The following SEMA3E variants were observed in gnomAD, a reference collection of about 807,000 sequenced individuals.
SEMA3E encodes semaphorin 3E, also known as semaphorin-3E.
In SEMA3E, 49 loss-of-function variants were observed where a neutral mutation model predicts 93.6. The ratio of observed to expected loss-of-function variants is 0.52; its 90% CI spans 0.42 to 0.66. The LOEUF is 0.66. SEMA3E is among the 30% of genes least tolerant of loss of function. The pLI, the probability that SEMA3E is intolerant of heterozygous loss-of-function variation, is 0.00. For synonymous variants in SEMA3E, 363 were observed against 330.7 expected (o/e 1.10, Z -1.06); for missense variants, 906 against 964.8 (o/e 0.94, Z 0.81).
chr7:83,452,102 G>T (rs549198905), intron 4 of SEMA3E, among the ~76,000 whole-genome samples: 404 of 150,224 alleles, frequency 2.7e-3, no homozygotes, highest in Middle Eastern at 0.014. Flanking sequence ...GAATGAGATA[G>T]AATTATATCC....
chr7:83,465,726 A>G (rs1422462113), intron 4 of SEMA3E, among the ~76,000 whole-genome samples: 1 of 152,186 alleles, frequency 6.6e-6, no homozygotes, highest in East Asian at 1.9e-4. Flanking sequence ...GATGAAAAAT[A>G]ACAGATTCTA....
intron 1 of SEMA3E, among the ~76,000 whole-genome samples, chr7:83,543,078 A>G (rs1482579998): frequency 6.6e-6 from 1 of 152,022 alleles, no homozygotes; most frequent in Non-Finnish European, 1.5e-5. Context: ...AATTATACCT[A>G]CCTGTAGGAC....
At chr7:83,595,438 A>T (rs1441722280) in intron 1 of SEMA3E, among the ~76,000 whole-genome samples, 2 of 152,080 alleles carry the variant, frequency 1.3e-5, no homozygotes, top group Non-Finnish European at 2.9e-5. Context: ...TATGATACAC[A>T]TATCAAAACT....
At chr7:83,644,589 CA>C (rs1017447980) in intron 1 of SEMA3E, among the ~76,000 whole-genome samples, 11 of 151,792 alleles carry the variant, frequency 7.2e-5, no homozygotes, top group African/African-American at 2.7e-4. Context: ...GGCAAATTAC[CA>C]TTACTACCCC....
At chr7:83,411,595 TAAA>T (rs1468732369) in intron 5 of SEMA3E, among the ~76,000 whole-genome samples, 1 of 151,898 alleles carries the variant, frequency 6.6e-6, no homozygotes, top group African/African-American at 2.4e-5. Flanking sequence ...AAACCTTAGG[TAAA>T]ATAATACCTA....
chr7:83,615,992 A>AG (rs1437319412), intron 1 of SEMA3E, among the ~76,000 whole-genome samples: 1 of 91,194 alleles, frequency 1.1e-5, no homozygotes, highest in Non-Finnish European at 2.2e-5. Flanking sequence ...GATTAAGAAA[A>AG]GGAAAAAAAA....
rs190791287 is a variant in SEMA3E, at chr7:83,400,046, C to T, written c.1348G>A (p.Val450Ile). The T allele has an allele frequency of 8.1e-5, 131 of 1,611,924 alleles. No homozygotes were observed. The Admixed American group carries it at 1.7e-3, about 21-fold the overall frequency. Reference protein sequence around the residue: ...RVEAEDGQYDVLFIGTDNGIV... With the variant: ...RVEAEDGQYDILFIGTDNGIV... ...TCTTTACCTGTCCCAATAAACAAGA[C>T]GTCATATTGGCCATCCTCAGCTTCC... The change falls in exon 11 of 17, where the codon GTC becomes ATC. Residue 450 changes from valine to isoleucine, a missense_variant. Coordinates refer to ENST00000643230, the MANE Select transcript of SEMA3E (RefSeq NM_012431.3).
chr7:83,375,222 C>T (rs913966265), intron 16 of SEMA3E, among the ~76,000 whole-genome samples: 2 of 151,882 alleles, frequency 1.3e-5, no homozygotes, highest in Non-Finnish European at 2.9e-5. Flanking sequence ...TTCCTAGTAA[C>T]CAAAGGAAAG....
chr7:83,465,405 A>C (rs1789732470), intron 4 of SEMA3E, among the ~76,000 whole-genome samples: 2 of 152,196 alleles, frequency 1.3e-5, no homozygotes, highest in Non-Finnish European at 2.9e-5. Context: ...AAATCTCCCT[A>C]TATAGATAGT....
chr7:83,569,286 A>G (rs984656782), intron 1 of SEMA3E, among the ~76,000 whole-genome samples: 1 of 137,570 alleles, frequency 7.3e-6, no homozygotes, highest in Non-Finnish European at 1.5e-5. Flanking sequence ...CACACTCAAG[A>G]ACATACTCAT....
At chr7:83,424,216 G>A (rs1788726105) in intron 4 of SEMA3E, among the ~76,000 whole-genome samples, 1 of 152,158 alleles carries the variant, frequency 6.6e-6, no homozygotes, top group Non-Finnish European at 1.5e-5. Flanking sequence ...TCTCAAGTTT[G>A]AAGAATATTG....
At chr7:83,600,486 ATTTTTTTTTTTTTTTTTTTTTTTTTTTT>A (rs71522671) in intron 1 of SEMA3E, among the ~76,000 whole-genome samples, 17 of 63,056 alleles carry the variant, frequency 2.7e-4, no homozygotes, top group African/African-American at 1.0e-3. Flanking sequence ...CGCCCAGCTA[ATTTTTTTTTTTTTTTTTTTTTTTTTTTT>A]TTTTTTGTAT....
At chr7:83,540,276 T>C (rs1370249505) in intron 1 of SEMA3E, among the ~76,000 whole-genome samples, 1 of 152,212 alleles carries the variant, frequency 6.6e-6, no homozygotes, top group African/African-American at 2.4e-5. Flanking sequence ...TTATTCTAGA[T>C]CAGAAATAGC....
At chr7:83,408,278 T>C (rs1021339518) in intron 6 of SEMA3E, 90 bp downstream of exon 6, 3 of 1,442,842 alleles carry the variant, frequency 2.1e-6, no homozygotes, top group Non-Finnish European at 1.9e-6. Flanking sequence ...ATTGTATTTA[T>C]ATTCTTATTA....
intron 1 of SEMA3E, among the ~76,000 whole-genome samples, chr7:83,582,754 C>G (rs1434473051): frequency 2.0e-5 from 3 of 151,850 alleles, no homozygotes; most frequent in Non-Finnish European, 4.4e-5. Context: ...TTCTTCTTTA[C>G]ATAACAATAA....
At chr7:83,503,580 C>T (rs1790638659) in intron 1 of SEMA3E, among the ~76,000 whole-genome samples, 1 of 152,056 alleles carries the variant, frequency 6.6e-6, no homozygotes, top group South Asian at 2.1e-4. Flanking sequence ...TTTGTGCAAA[C>T]ATCATGGAGT....
At chr7:83,620,945 T>A (rs1320955961) in intron 1 of SEMA3E, among the ~76,000 whole-genome samples, 1 of 152,168 alleles carries the variant, frequency 6.6e-6, no homozygotes, top group Non-Finnish European at 1.5e-5. Context: ...AAGGCAAGAA[T>A]GCCTTCTCTC....
chr7:83,470,857 A>G (rs947379913), intron 2 of SEMA3E, among the ~76,000 whole-genome samples: 9 of 40,892 alleles, frequency 2.2e-4, no homozygotes, highest in African/African-American at 5.2e-4. Flanking sequence ...GTTCCCCCAC[A>G]TTTTCTTTTT....
intron 1 of SEMA3E, among the ~76,000 whole-genome samples, chr7:83,532,557 A>G (rs1214588675): frequency 1.3e-5 from 2 of 152,180 alleles, no homozygotes; most frequent in East Asian, 3.9e-4. Context: ...AAGAACGTAA[A>G]GACAAATGTA....
Sources: allele counts gnomAD v4.1 joint callset (sites outside exome capture counted in the v4.1 genomes callset), GRCh38; gene constraint gnomAD v4.1.1; transcripts MANE v1.5; gene names NCBI Gene and HGNC (gene_info 2026-07-23, HGNC 2026-07-21).